ASTN1: variants seen among roughly 807,000 people sequenced by gnomAD.
ASTN1 encodes astrotactin 1.
ASTN1 carries 41 observed loss-of-function variants against 140.7 expected under a neutral mutation model. The ratio of observed to expected loss-of-function variants is 0.29; its 90% CI spans 0.23 to 0.38. ASTN1 has a LOEUF of 0.38. Among genes scored for constraint, ASTN1 ranks in the 10% least tolerant of loss-of-function variants. The probability of loss-of-function intolerance (pLI) is 1.00; values close to 1 mark genes in which losing one functional copy is unlikely to be tolerated. For synonymous variants in ASTN1, 640 were observed against 652.2 expected, an observed-to-expected ratio of 0.98 and a Z score of 0.29; for missense variants, 1,479 against 1,678.8, an observed-to-expected ratio of 0.88 and a Z score of 2.08.
chr1:177,069,526 T>G (rs1678531247), intron 1 of ASTN1, among the ~76,000 whole-genome samples: 1 of 152,142 alleles, frequency 6.6e-6, no homozygotes, highest in Non-Finnish European at 1.5e-5. Flanking sequence ...AGAGGGTGGC[T>G]TTTTAAATCA....
At chr1:176,987,550 A>G (rs1351008730) in intron 8 of ASTN1, among the ~76,000 whole-genome samples, 1 of 152,162 alleles carries the variant, frequency 6.6e-6, no homozygotes, top group Non-Finnish European at 1.5e-5. Context: ...GCCACTGCCT[A>G]TATTTCTACC....
At chr1:176,896,793 T>C (rs1160850819) in intron 16 of ASTN1, among the ~76,000 whole-genome samples, 1 of 152,110 alleles carries the variant, frequency 6.6e-6, no homozygotes, top group Non-Finnish European at 1.5e-5. Context: ...AACCAGTGCC[T>C]CCAAAGATCC....
chr1:176,909,729 G>C (rs1008534395), intron 16 of ASTN1, among the ~76,000 whole-genome samples: 1 of 79,472 alleles, frequency 1.3e-5, no homozygotes, highest in Non-Finnish European at 2.7e-5. Context: ...TGTTAGTACT[G>C]AGTGCCAAGA....
intron 16 of ASTN1, among the ~76,000 whole-genome samples, chr1:176,923,269 A>G (rs1670814708): frequency 6.6e-6 from 1 of 152,232 alleles, no homozygotes. Context: ...AGAGTCACAG[A>G]ACATTAGAAC....
At chr1:177,019,092 G>A (rs921682489) in intron 7 of ASTN1, among the ~76,000 whole-genome samples, 11 of 130,604 alleles carry the variant, frequency 8.4e-5, no homozygotes, top group Non-Finnish European at 2.0e-4. Context: ...TTGAGCAGTG[G>A]GGACAGGTTT....
chr1:177,138,256 G>A (rs1457412589), intron 1 of ASTN1, among the ~76,000 whole-genome samples: 1 of 152,160 alleles, frequency 6.6e-6, no homozygotes, highest in Non-Finnish European at 1.5e-5. Flanking sequence ...GAATTTTCCT[G>A]CCCCAGAAAA....
chr1:177,100,695 C>T (rs147337072), intron 1 of ASTN1, among the ~76,000 whole-genome samples: 4 of 152,130 alleles, frequency 2.6e-5, no homozygotes, highest in African/African-American at 7.2e-5. Context: ...AAAATTACAG[C>T]GCAGGGAAGA....
At chr1:176,966,211 G>T (rs963602395) in intron 8 of ASTN1, among the ~76,000 whole-genome samples, 4 of 152,136 alleles carry the variant, frequency 2.6e-5, no homozygotes, top group Non-Finnish European at 5.9e-5. Flanking sequence ...CAAAAAGTCA[G>T]GAGAATAAAT....
intron 2 of ASTN1, among the ~76,000 whole-genome samples, chr1:177,034,244 A>AACACACAC (rs5778922): frequency 6.5e-4 from 93 of 143,392 alleles, no homozygotes; most frequent in Middle Eastern, 7.4e-3. Context: ...TGAGCAAAGG[A>AACACACAC]ACACACACAC....
intron 18 of ASTN1, among the ~76,000 whole-genome samples, chr1:176,886,846 T>C (rs1669050320): frequency 6.6e-6 from 1 of 152,200 alleles, no homozygotes; most frequent in Admixed American, 6.5e-5. Flanking sequence ...TTCTTTGCCT[T>C]ACCAGCCCCT....
chr1:176,935,509 C>T (rs1174691957), intron 15 of ASTN1, among the ~76,000 whole-genome samples: 6 of 152,184 alleles, frequency 3.9e-5, no homozygotes, highest in Middle Eastern at 3.2e-3. Flanking sequence ...TTCTGGGTCC[C>T]CTGTGTCCTA....
chr1:177,091,671 A>T (rs995527773), intron 1 of ASTN1, among the ~76,000 whole-genome samples: 2 of 152,170 alleles, frequency 1.3e-5, no homozygotes, highest in African/African-American at 4.8e-5. Context: ...CTATCTCCCC[A>T]AAATGAAACA....
chr1:176,887,941 A>G, intron 18 of ASTN1, 130 bp downstream of exon 18: 1 of 1,304,188 alleles, frequency 7.7e-7, no homozygotes, highest in East Asian at 2.5e-5. Flanking sequence ...GGTAGATTGA[A>G]AGCTCTCTAA....
At chr1:176,935,755 CTCTCTT>C (rs1671415033) in intron 15 of ASTN1, among the ~76,000 whole-genome samples, 1 of 151,804 alleles carries the variant, frequency 6.6e-6, no homozygotes, top group African/African-American at 2.4e-5. Flanking sequence ...ATTTCTCTCT[CTCTCTT>C]TCTCTCTCTC....
At chr1:176,914,334 T>A (rs1571501790) in intron 16 of ASTN1, among the ~76,000 whole-genome samples, 2 of 152,104 alleles carry the variant, frequency 1.3e-5, no homozygotes, top group South Asian at 4.1e-4. Flanking sequence ...GCCAAAGGCC[T>A]CATGGAGGAA....
intron 17 of ASTN1, among the ~76,000 whole-genome samples, chr1:176,891,871 G>T (rs1557939107): frequency 6.6e-6 from 1 of 152,078 alleles, no homozygotes; most frequent in Admixed American, 6.6e-5. Flanking sequence ...AAAAGATGTA[G>T]ATACACACAC....
chr1:176,911,142 G>A (rs764897023), intron 16 of ASTN1, among the ~76,000 whole-genome samples: 16 of 152,122 alleles, frequency 1.1e-4, no homozygotes, highest in Non-Finnish European at 2.2e-4. Flanking sequence ...CATAGAAAAG[G>A]TACTGTAATA....
Position 177,050,601 on chromosome 1 carries a change from A to T in ASTN1, c.471+10477T>A, listed in dbSNP as rs1196428688. ...TTATTATAGAGAGAGACCCCTTGCA[A>T]TCTTGGGGAAGGCTACTGACATCTG... On this transcript the variant is annotated intron_variant, in intron 2 of 22. Transcript: ENST00000361833. Among the ~76,000 whole-genome samples the T allele has an allele frequency of 2.6e-5, 4 of 152,248 alleles. No individual in the cohort carries two copies. The East Asian group carries it at 7.7e-4, about 29-fold the overall frequency.
chr1:177,018,008 G>A (rs1375961219), intron 7 of ASTN1, among the ~76,000 whole-genome samples: 4 of 152,292 alleles, frequency 2.6e-5, no homozygotes, highest in Admixed American at 2.0e-4. Flanking sequence ...GCCCTCAACC[G>A]CTTCTATGCT....
Sources: gnomAD v4.1 joint callset for allele counts (sites outside exome capture counted in the v4.1 genomes callset) on GRCh38, gnomAD v4.1.1 for gene constraint, MANE v1.5 for transcripts, NCBI Gene and HGNC (gene_info 2026-07-23, HGNC 2026-07-21) for gene names.